IL2RG: variants seen among roughly 807,000 people sequenced by gnomAD.
IL2RG encodes interleukin 2 receptor subunit gamma.
For synonymous variants in IL2RG, 111 were observed against 108.5 expected (o/e 1.02, Z -0.15); for missense variants, 205 against 272.9 (o/e 0.75, Z 1.75).
At position 71,107,645 on chromosome X, in the gene IL2RG, T is replaced by G; in HGVS notation, c.*91A>C. 1.5e-6 allele frequency: 1 copy of G among 664,615 alleles called. No individual in the cohort carries two copies. Among genetic ancestry groups the G allele is most frequent in the Non-Finnish European group, 2.1e-6 (1 of 471,843 alleles). The allele number at this position is 664,615 out of a possible 1,213,427, so 54.8% of individuals were successfully genotyped here. A position where few individuals can be genotyped will look rare whatever the true frequency, so the allele number is the denominator to read the frequency against. On this transcript the variant is annotated 3_prime_UTR_variant, in exon 8 of 8. Coordinates refer to ENST00000374202, the MANE Select transcript of IL2RG (RefSeq NM_000206.3). ...CCAAATCAGCCACAGTGGGGTGAGG[T>G]GAGTATGAGACGCAGGTGGGTTGAA...
At position 71,109,277 on chromosome X, in the gene IL2RG, A is replaced by G. The variant is rs750844357; in HGVS notation, c.708T>C (p.His236=). 3.2e-5 allele frequency: 39 copies of G among 1,209,698 alleles called. No individual in the cohort carries two copies. In the South Asian group the frequency reaches 4.0e-4, roughly 13 times the overall value. Residue 236 remains histidine (H), a synonymous_variant, in exon 5 of 8, where the codon CAT becomes CAC. Coordinates refer to ENST00000374202, the MANE Select transcript of IL2RG (RefSeq NM_000206.3). The part of the protein sequence containing the change: ...RFNPLCGSAQ[H]WSEWSHPIHW... ...GGATTGGGTGGCTCCATTCACTCCA[A>G]TGCTGAGCACTTCCACAGAGTGGGT...
At position 71,110,115 on chromosome X, in the gene IL2RG, T is replaced by C. The variant is rs200797436; in HGVS notation, c.594+41A>G. 2.5e-4 allele frequency: 298 copies of C among 1,199,692 alleles called. 2 individuals are homozygous for C. In the East Asian group the frequency reaches 8.7e-3, roughly 35 times the overall value. On this transcript the variant is annotated intron_variant, in intron 4 of 7. Coordinates refer to ENST00000374202, the MANE Select transcript of IL2RG (RefSeq NM_000206.3). Reference sequence around the variant, plus strand: ...CTGGTTGAATCCTTTAGCCCTACTTTCTTGGCCTTAGCTGCTACATTCACG... The same window carrying C: ...CTGGTTGAATCCTTTAGCCCTACTTCCTTGGCCTTAGCTGCTACATTCACG...
rs1384561465 is a variant in IL2RG, at chrX:71,108,627, G to A, written c.826C>T (p.Leu276Phe). 1 of 1,195,392 alleles carries A rather than the reference G, an allele frequency of 8.4e-7. No homozygotes were observed. Among genetic ancestry groups the A allele is most frequent in the Admixed American group, 2.2e-5 (1 of 45,590 alleles). Residue 276 changes from leucine to phenylalanine, a missense_variant, in exon 6 of 8, where the codon CTT (leucine) becomes TTT (phenylalanine). Leu to Phe is a conservative substitution (Grantham distance 22, BLOSUM62 0). Transcript: ENST00000374202. Reference sequence around the variant, plus strand: ...TCCAGCCAGAAATACACACAGAGAAGGCTGATAATCAATCCCATGGAGCCA... The same window carrying A: ...TCCAGCCAGAAATACACACAGAGAAAGCTGATAATCAATCCCATGGAGCCA... ...SVGSMGLIIS[L>F]LCVYFWLERT...
At position 71,109,367 on chromosome X, in the gene IL2RG, A is replaced by T. The variant is rs761647770; in HGVS notation, c.618T>A (p.His206Gln). Residue 206 changes from histidine to glutamine, a missense_variant, in exon 5 of 8, where the codon CAT (histidine) becomes CAA (glutamine). By Grantham distance (24) the His-to-Gln change is conservative. Coordinates refer to ENST00000374202, the MANE Select transcript of IL2RG (RefSeq NM_000206.3). ...SWTEQSVDYR[H>Q]KFSLPSVDGQ... Reference sequence around the variant, plus strand: ...CATCCACACTAGGCAAGGAGAACTTATGTCTATAATCCACTGATTGTTCCT... The same window carrying T: ...CATCCACACTAGGCAAGGAGAACTTTTGTCTATAATCCACTGATTGTTCCT... The T allele has an allele frequency of 1.8e-5, 22 of 1,209,133 alleles. No individual in the cohort carries two copies. The Admixed American group carries it at 4.4e-4, about 24-fold the overall frequency.
At chrX:71,111,077 G>A (rs749404714) in intron 1 of IL2RG, 27 bp from the exon 2 acceptor site, 8 of 1,166,610 alleles carry the variant, frequency 6.9e-6, no homozygotes, top group Non-Finnish European at 9.2e-6. Context: ...ATGAAGGCAG[G>A]GAGGGAAAGA....
At chrX:71,108,454 G>T in intron 6 of IL2RG, 108 bp from the exon 7 acceptor site, 1 of 706,149 alleles carries the variant, frequency 1.4e-6, no homozygotes, top group Non-Finnish European at 2.2e-6. Flanking sequence ...CTCTGTGCCT[G>T]TGGCTTCCTT....
At chrX:71,107,976 C>T (rs2092254400) in intron 7 of IL2RG, 55 bp from the exon 8 acceptor site, 10 of 996,812 alleles carry the variant, frequency 1.0e-5, no homozygotes, top group South Asian at 8.1e-5. Flanking sequence ...AGTAAAAGAC[C>T]GAGCTCTGTG....
rs767280606 is a variant in IL2RG, at chrX:71,110,153, C to T, written c.594+3G>A. On this transcript the variant is annotated splice_donor_region_variant and intron_variant, in intron 4 of 7. Coordinates refer to ENST00000374202, the MANE Select transcript of IL2RG (RefSeq NM_000206.3). Reference sequence around the variant, plus strand: ...TGCTACATTCACGTCCCTAGTCACTCACAGTCCAGCTGTGGTCCCAGTCAG... The same window carrying T: ...TGCTACATTCACGTCCCTAGTCACTTACAGTCCAGCTGTGGTCCCAGTCAG... 8.3e-7 allele frequency: 1 copy of T among 1,210,522 alleles called. No homozygotes were observed. Among genetic ancestry groups the T allele is most frequent in the South Asian group, 1.8e-5 (1 of 56,937 alleles).
In IL2RG at chrX:71,108,288, C is replaced by T. The variant is rs1322436793; in HGVS notation, c.913G>A (p.Gly305Arg). Residue 305 changes from glycine to arginine, a missense_variant, in exon 7 of 8, where the codon GGG becomes AGG. By Grantham distance (125) the Gly-to-Arg change is moderately radical. Transcript: ENST00000374202. ...GACAGCGTTCTCACCGAAAAGTTCC[C>T]GTGGTATTCAGTAACAAGATCCTCT... ...NLEDLVTEYH[G>R]NFSAWSGVSK... 4 of 1,201,694 alleles carry T rather than the reference C, an allele frequency of 3.3e-6. No homozygotes were observed. The highest frequency in any genetic ancestry group is 4.5e-6 in the Non-Finnish European group (4 of 886,391).
In IL2RG at chrX:71,109,088, A is replaced by G. The variant is rs2092257726; in HGVS notation, c.757+140T>C. On this transcript the variant is annotated intron_variant, in intron 5 of 7. Coordinates refer to ENST00000374202, the MANE Select transcript of IL2RG (RefSeq NM_000206.3). ...CCTACACAGAAAAACCTTGATTTCT[A>G]GAGGTTGGGGTTAGACAGTGTGGAG... 1.2e-5 allele frequency: 7 copies of G among 579,518 alleles called. No homozygotes were observed. The Admixed American group carries it at 2.3e-4, about 19-fold the overall frequency. 47.8% of individuals were successfully genotyped at this position (579,518 alleles called of 1,213,427 possible). A position where few individuals can be genotyped will look rare whatever the true frequency, so the allele number is the denominator to read the frequency against.
chrX:71,108,778 T>G, intron 5 of IL2RG, 83 bp from the exon 6 acceptor site: 1 of 592,227 alleles, frequency 1.7e-6, no homozygotes, highest in Non-Finnish European at 2.8e-6. Context: ...GGCACCGCGC[T>G]AAAGACATAC....
rs969187835 is a variant in IL2RG, at chrX:71,109,218, C to A, written c.757+10G>T. On this transcript the variant is annotated intron_variant, in intron 5 of 7. Transcript: ENST00000374202. ...GGGCTCATGGATTGGGTCATGTGGG[C>A]CCATTTTACCTTTTGAAGTATTGCT... The A allele has an allele frequency of 1.7e-6, 2 of 1,208,641 alleles. No individual in the cohort carries two copies. Among genetic ancestry groups the A allele is most frequent in the Non-Finnish European group, 2.2e-6 (2 of 893,612 alleles).
intron 1 of IL2RG, 140 bp downstream of exon 1, chrX:71,111,285 C>A: frequency 1.2e-6 from 1 of 847,406 alleles, no homozygotes; most frequent in Non-Finnish European, 1.7e-6. Context: ...AGGCAGGGAA[C>A]CCTCCCCCTT....
intron 6 of IL2RG, 83 bp downstream of exon 6, chrX:71,108,516 T>C: frequency 1.3e-6 from 1 of 761,700 alleles, no homozygotes; most frequent in Non-Finnish European, 2.0e-6. Flanking sequence ...TCTCATCCTT[T>C]ACTCCTAAAG....
intron 5 of IL2RG, 54 bp from the exon 6 acceptor site, chrX:71,108,749 A>G (rs376121994): frequency 4.8e-6 from 4 of 840,744 alleles, no homozygotes; most frequent in Middle Eastern, 5.5e-4. Context: ...CCCCTACTAC[A>G]TGCCAGGCAC....
At chrX:71,110,030 G>C (rs1407325749) in intron 4 of IL2RG, 126 bp downstream of exon 4, 1 of 663,382 alleles carries the variant, frequency 1.5e-6, no homozygotes, top group Non-Finnish European at 2.4e-6. Flanking sequence ...GAGGGTAGGG[G>C]GTGAGCAGAG....
At position 71,111,480 on chromosome X, in the gene IL2RG, T is replaced by G. The variant is rs772095231; in HGVS notation, c.60A>C (p.Gly20=). The change falls in exon 1 of 8, where the codon GGA becomes GGC. Residue 20 remains glycine, a synonymous_variant. Coordinates refer to ENST00000374202, the MANE Select transcript of IL2RG (RefSeq NM_000206.3). ...TCAGAATTGTCGTGTTCAGCCCCACTCCCAGCAGGGGCAGCTGCAGGAATA... is the reference window on the plus strand; with the variant it reads ...TCAGAATTGTCGTGTTCAGCCCCACGCCCAGCAGGGGCAGCTGCAGGAATA... ...SLLFLQLPLL[G]VGLNTTILTP... 19 of 1,209,630 alleles carry G rather than the reference T, an allele frequency of 1.6e-5. No homozygotes were observed. The highest frequency in any genetic ancestry group is 2.0e-5 in the Non-Finnish European group (18 of 893,924).
intron 6 of IL2RG, 73 bp from the exon 7 acceptor site, chrX:71,108,419 A>T: frequency 1.2e-6 from 1 of 811,192 alleles, no homozygotes; most frequent in Non-Finnish European, 1.9e-6. Flanking sequence ...CAGTTGTCCC[A>T]TATGAAATAA....
chrX:71,110,777 C>A (rs1050891535), intron 2 of IL2RG, 89 bp from the exon 3 acceptor site: 1 of 1,086,670 alleles, frequency 9.2e-7, no homozygotes, highest in African/African-American at 1.8e-5. Context: ...TCCCCTCAAC[C>A]GACTTATGAC....
Sources: allele counts gnomAD v4.1 joint callset, GRCh38; gene constraint gnomAD v4.1.1; transcripts MANE v1.5; gene names NCBI Gene and HGNC (gene_info 2026-07-23, HGNC 2026-07-21).